Variants in LRP1B observed in about 807,000 individuals in gnomAD.
The protein encoded by LRP1B is low-density lipoprotein receptor-related protein 1B.
Under a neutral mutation model 556.6 loss-of-function variants are expected in LRP1B, and 217 were observed. That is an observed-to-expected ratio of 0.39 (90% confidence interval 0.35 to 0.44). The LOEUF is 0.44. LRP1B is among the 20% of genes least tolerant of loss of function. The probability of loss-of-function intolerance (pLI) is 1.00; values close to 1 mark genes in which losing one functional copy is unlikely to be tolerated. For missense variants in LRP1B, 5,053 were observed against 5,620.8 expected (o/e 0.90, Z 3.23); for synonymous variants, 2,047 against 1,865.8 (o/e 1.10, Z -2.50).
chr2:141,589,041 T>C (rs1023968099), intron 2 of LRP1B, among the ~76,000 whole-genome samples: 1 of 152,158 alleles, frequency 6.6e-6, no homozygotes, highest in Admixed American at 6.6e-5. Flanking sequence ...TGAAACTGGG[T>C]ATATATTAAA....
chr2:142,105,646 A>T (rs1706719997), intron 1 of LRP1B, among the ~76,000 whole-genome samples: 1 of 152,198 alleles, frequency 6.6e-6, no homozygotes, highest in African/African-American at 2.4e-5. Context: ...TTGTAGAGAA[A>T]ATTAATTAGC....
At chr2:141,599,045 T>TCCCCCCC (rs1559166868) in intron 2 of LRP1B, among the ~76,000 whole-genome samples, 6 of 28,966 alleles carry the variant, frequency 2.1e-4, no homozygotes, top group South Asian at 1.6e-3. Flanking sequence ...TTTGTTCAAC[T>TCCCCCCC]CCCCCCCGCC....
intron 77 of LRP1B, among the ~76,000 whole-genome samples, chr2:140,342,708 A>G (rs1316732945): frequency 6.6e-6 from 1 of 151,600 alleles, no homozygotes; most frequent in African/African-American, 2.4e-5. Context: ...AACAATAGAA[A>G]TCCCTACTCA....
intron 7 of LRP1B, among the ~76,000 whole-genome samples, chr2:141,103,647 C>A (rs1330607501): frequency 6.7e-6 from 1 of 150,082 alleles, no homozygotes; most frequent in Non-Finnish European, 1.5e-5. Flanking sequence ...ATTTTTGAAT[C>A]ACCAAGCTAA....
intron 66 of LRP1B, among the ~76,000 whole-genome samples, chr2:140,403,255 TC>T (rs1336251088): frequency 6.6e-6 from 1 of 152,012 alleles, no homozygotes; most frequent in Non-Finnish European, 1.5e-5. Context: ...TCACACTAGT[TC>T]CCCAGCAATG....
At chr2:141,354,142 GT>G in intron 3 of LRP1B, among the ~76,000 whole-genome samples, 1 of 151,964 alleles carries the variant, frequency 6.6e-6, no homozygotes, top group Admixed American at 6.6e-5. Flanking sequence ...GAAATAATCT[GT>G]ACACCAAACC....
chr2:141,115,022 G>T (rs573966263), intron 7 of LRP1B, among the ~76,000 whole-genome samples: 8 of 152,044 alleles, frequency 5.3e-5, no homozygotes, highest in Non-Finnish European at 8.8e-5. Flanking sequence ...CAAACATGAC[G>T]GAAAGTAAAA....
intron 3 of LRP1B, among the ~76,000 whole-genome samples, chr2:141,299,202 A>G (rs1354973286): frequency 6.6e-6 from 1 of 152,166 alleles, no homozygotes; most frequent in African/African-American, 2.4e-5. Context: ...TGAGCCGAGC[A>G]GATAGTATCA....
chr2:142,002,839 T>G (rs907391897), intron 1 of LRP1B, among the ~76,000 whole-genome samples: 1 of 152,134 alleles, frequency 6.6e-6, no homozygotes, highest in Middle Eastern at 3.2e-3. Context: ...ACAGATGTTC[T>G]TCCAGTACAT....
intron 41 of LRP1B, among the ~76,000 whole-genome samples, chr2:140,623,483 G>A (rs1683530899): frequency 6.6e-6 from 1 of 151,590 alleles, no homozygotes; most frequent in South Asian, 2.1e-4. Flanking sequence ...TTATATCAAA[G>A]TAACAATATA....
intron 2 of LRP1B, among the ~76,000 whole-genome samples, chr2:141,643,328 T>C (rs1277069174): frequency 6.6e-6 from 1 of 152,192 alleles, no homozygotes. Context: ...AGGATGTGTC[T>C]TATGGGTTGA....
intron 3 of LRP1B, among the ~76,000 whole-genome samples, chr2:141,439,193 T>C (rs552655349): frequency 6.6e-6 from 1 of 152,254 alleles, no homozygotes; most frequent in East Asian, 1.9e-4. Flanking sequence ...CCCTATATTA[T>C]GGGCTGTGAA....
chr2:141,926,751 T>C (rs566005193), intron 1 of LRP1B, among the ~76,000 whole-genome samples: 2 of 152,154 alleles, frequency 1.3e-5, no homozygotes, highest in Non-Finnish European at 2.9e-5. Context: ...AAATAGATAA[T>C]ATTCCTTAAT....
At chr2:142,021,632 A>G (rs551554610) in intron 1 of LRP1B, among the ~76,000 whole-genome samples, 20 of 152,282 alleles carry the variant, frequency 1.3e-4, no homozygotes, top group African/African-American at 4.8e-4. Flanking sequence ...TGTTAACCCT[A>G]ATCAGAGTAT....
rs1407766770 is a variant in LRP1B at position 140,840,928 on chromosome 2, G to A, written c.5104C>T (p.Pro1702Ser). The change falls in exon 30 of 91, where the codon CCA (proline) becomes TCA (serine). Residue 1702 changes from proline to serine, a missense_variant. Physicochemically the swap from Pro to Ser is moderately conservative, Grantham distance 74. Coordinates refer to ENST00000389484, the MANE Select transcript of LRP1B (RefSeq NM_018557.3). The part of the protein sequence containing the change: ...IDKPQCLAAH[P>S]VRGKLYWTDG... ...AAAATCATACTTTACCCCCTGACTGGGTGAGCTGCAAGACACTGTGGCTTA... is the reference window on the plus strand; with the variant it reads ...AAAATCATACTTTACCCCCTGACTGAGTGAGCTGCAAGACACTGTGGCTTA... The A allele has an allele frequency of 6.2e-7, 1 of 1,603,014 alleles. No individual in the cohort carries two copies. Among genetic ancestry groups the A allele is most frequent in the Non-Finnish European group, 8.5e-7 (1 of 1,174,960 alleles).
In LRP1B at chr2:141,810,939, C is replaced by T. The variant is rs926206916; in HGVS notation, c.83-538G>A. On this transcript the variant is annotated intron_variant, in intron 1 of 90. Transcript: ENST00000389484. ...ATCACAGTATTTTCTTTTTTTTTTC[C>T]ATGACTTCCAAGGTGACAACTTCTG... Among the ~76,000 whole-genome samples, 12 of 151,088 alleles carry T rather than the reference C, an allele frequency of 7.9e-5. No individual in the cohort carries two copies. In the East Asian group the frequency reaches 2.3e-3, roughly 29 times the overall value.
At chr2:141,505,203 A>T (rs914624819) in intron 2 of LRP1B, among the ~76,000 whole-genome samples, 2 of 150,148 alleles carry the variant, frequency 1.3e-5, no homozygotes, top group African/African-American at 4.9e-5. Context: ...CTCAGAGTCT[A>T]TAAAAGCTCC....
At position 141,132,770 on chromosome 2, in the gene LRP1B, C is replaced by T. The variant is rs115330655; in HGVS notation, c.1013+55651G>A. Among the ~76,000 whole-genome samples, 1,040 of 151,900 alleles carry T rather than the reference C, an allele frequency of 6.8e-3. 7 individuals carry two copies. Among genetic ancestry groups the T allele is most frequent in the Non-Finnish European group, 0.011 (738 of 67,940 alleles). On this transcript the variant is annotated intron_variant, in intron 7 of 90. Transcript: ENST00000389484. ...ATTGATCAAGTTGGACATGGACATG[C>T]TGTGTATATATATATTTGGGAGCAT...
chr2:141,375,868 C>G (rs529348950), intron 3 of LRP1B, among the ~76,000 whole-genome samples: 32 of 152,176 alleles, frequency 2.1e-4, no homozygotes, highest in Middle Eastern at 3.4e-3. Context: ...GTTTCCCTGT[C>G]CTACCTTGGC....
Sources: gnomAD v4.1 joint callset for allele counts (sites outside exome capture counted in the v4.1 genomes callset) on GRCh38, gnomAD v4.1.1 for gene constraint, MANE v1.5 for transcripts, NCBI Gene and HGNC (gene_info 2026-07-23, HGNC 2026-07-21) for gene names.